The following ARID3C variants were observed in gnomAD, a reference collection of about 807,000 sequenced individuals.
ARID3C encodes the protein AT-rich interaction domain 3C.
ARID3C carries 42 observed loss-of-function variants against 37.9 expected under a neutral mutation model. The ratio of observed to expected loss-of-function variants is 1.11; its 90% CI spans 0.87 to 1.43. The LOEUF (loss-of-function observed/expected upper bound fraction) is 1.43, where lower values mean the gene tolerates loss of function less well. Ranked by LOEUF, ARID3C falls within the 40% of genes most tolerant of loss-of-function variation. The probability of loss-of-function intolerance (pLI) is 0.00; values close to 1 mark genes in which losing one functional copy is unlikely to be tolerated. For synonymous variants in ARID3C, 213 were observed against 228.0 expected, an observed-to-expected ratio of 0.93 and a Z score of 0.59; for missense variants, 581 against 548.8, an observed-to-expected ratio of 1.06 and a Z score of -0.59.
rs772659650 is a variant in ARID3C at position 34,628,073 on chromosome 9, G to T, written c.-59C>A. The T allele has an allele frequency of 3.8e-5, 55 of 1,440,716 alleles. No homozygotes were observed. Among genetic ancestry groups the T allele is most frequent in the Non-Finnish European group, 4.7e-5 (52 of 1,099,836 alleles). 89.2% of individuals were successfully genotyped at this position (1,440,716 alleles called of 1,614,324 possible). ...GGTCCCTGGTACCAGGCGGGACCCC[G>T]AGGAAAGGGCCGCCTGTGGGGGAGG... is the stretch of plus-strand genomic sequence containing the variant. On this transcript the variant is annotated 5_prime_UTR_variant, in exon 1 of 7. Coordinates refer to ENST00000378909, the Ensembl canonical transcript of ARID3C. The surrounding 1 kb of genome is among the most constrained non-coding windows in gnomAD (Gnocchi z 5.2).
chr9:34,624,375 C>T (rs1820626757), intron 2 of ARID3C, among the ~76,000 whole-genome samples: 1 of 152,244 alleles, frequency 6.6e-6, no homozygotes, highest in Non-Finnish European at 1.5e-5. Flanking sequence ...ATTCGAATTT[C>T]ACCAGTCTGG....
chr9:34,622,559 G>T, intron 4 of ARID3C, 30 bp from the exon 6 acceptor site: 1 of 1,553,858 alleles, frequency 6.4e-7, no homozygotes, highest in South Asian at 1.2e-5. Flanking sequence ...AGCTCCCCTG[G>T]CCAAACCAAC....
exon 4 of ARID3C, chr9:34,623,691 T>C: frequency 6.4e-7 from 1 of 1,568,350 alleles, no homozygotes; most frequent in East Asian, 2.3e-5. Flanking sequence ...CTCGCACTCG[T>C]ACGGGTACAG....
downstream of ARID3C, chr9:34,621,359 G>A (rs1047014354): frequency 1.5e-5 from 13 of 860,498 alleles, no homozygotes; most frequent in Non-Finnish European, 2.0e-5. Flanking sequence ...TCCCCTCCCA[G>A]GGCTGGGTCC....
chr9:34,627,852 C>A, exon 1 of ARID3C: 1 of 1,596,378 alleles, frequency 6.3e-7, no homozygotes, highest in Non-Finnish European at 8.5e-7. Flanking sequence ...TCTTCAGCAT[C>A]TTCCTCTTCC....
chr9:34,623,583 C>A, exon 4 of ARID3C: 1 of 1,608,594 alleles, frequency 6.2e-7, no homozygotes. Context: ...CCCTGCCAAG[C>A]CGAAGAGCGG....
chr9:34,627,571 G>T (rs74857127), intron 1 of ARID3C, 126 bp downstream of exon 2: 43,478 of 817,846 alleles, frequency 0.053, 1,331 homozygotes, highest in South Asian at 0.073. Context: ...AGGTCTCCGT[G>T]TCTCTGTGTC....
rs937144327 is a variant in ARID3C at position 34,623,806 on chromosome 9, C to G, written c.575+58G>C. On this transcript the variant is annotated intron_variant, in intron 3 of 6. Coordinates refer to ENST00000378909, the Ensembl canonical transcript of ARID3C. ...GACGCCCGCCCGGGGACCCTCCCCC[C>G]TCCCGCCCCAGGCCGAACCCGTGCC... The G allele has an allele frequency of 1.8e-5, 27 of 1,509,310 alleles. No homozygotes were observed. The Admixed American group carries it at 4.2e-4, about 24-fold the overall frequency. 93.5% of individuals were successfully genotyped at this position (1,509,310 alleles called of 1,614,324 possible).
chr9:34,625,893 A>G (rs1384787152), intron 1 of ARID3C, 79 bp from the exon 3 acceptor site: 1 of 1,501,420 alleles, frequency 6.7e-7, no homozygotes, highest in African/African-American at 1.4e-5. Flanking sequence ...TTGTACCCTG[A>G]ACAAGGGTCC....
At chr9:34,626,537 A>G (rs541468565) in intron 1 of ARID3C, among the ~76,000 whole-genome samples, 61 of 152,286 alleles carry the variant, frequency 4.0e-4, no homozygotes, top group African/African-American at 1.4e-3. Context: ...CCCGAATACT[A>G]GTCAAGAGAA....
chr9:34,629,163 A>G (rs73499092), upstream of ARID3C, among the ~76,000 whole-genome samples: 27,272 of 152,138 alleles, frequency 0.18, 2,487 homozygotes, highest in East Asian at 0.31. Context: ...CAGCTCCCCA[A>G]CAGGTGTCTC....
chr9:34,622,576 C>G, intron 4 of ARID3C, 47 bp from the exon 6 acceptor site: 1 of 1,525,168 alleles, frequency 6.6e-7, no homozygotes, highest in Non-Finnish European at 8.8e-7. Flanking sequence ...CAACCCATCT[C>G]TGCATTGGTT....
upstream of ARID3C, among the ~76,000 whole-genome samples, chr9:34,630,312 A>T (rs1458549456): frequency 6.6e-6 from 1 of 152,138 alleles, no homozygotes; most frequent in Non-Finnish European, 1.5e-5. Flanking sequence ...CAGGCCTCTC[A>T]GAATTTCTGC....
chr9:34,625,773 C>T (rs1338392428), exon 2 of ARID3C: 1 of 1,614,024 alleles, frequency 6.2e-7, no homozygotes. Context: ...ACAGGTCATC[C>T]AGAAATTCCT....
chr9:34,623,296 G>A, intron 4 of ARID3C, 129 bp downstream of exon 5: 2 of 1,165,118 alleles, frequency 1.7e-6, no homozygotes, highest in Non-Finnish European at 2.3e-6. Flanking sequence ...TCAGAAGCCC[G>A]TCAGACCTTA....
rs759129977 is a variant in ARID3C, at chr9:34,623,585, G to C, written c.705C>G (p.Phe235Leu). 4 of 1,608,682 alleles carry C rather than the reference G, an allele frequency of 2.5e-6. No individual in the cohort carries two copies. In the Admixed American group the frequency reaches 5.1e-5, roughly 20 times the overall value. The change falls in exon 4 of 7, where the codon TTC (phenylalanine) becomes TTG (leucine). Residue 235 changes from phenylalanine (F) to leucine (L), a missense_variant. Coordinates refer to ENST00000378909, the Ensembl canonical transcript of ARID3C. The stretch of plus-strand genomic sequence containing the variant: ...CCCGAGGGGGCGGCCCTGCCAAGCC[G>C]AAGAGCGGAGTAGCGGTGTAAGCCT...
At chr9:34,629,877 C>A (rs1483074651), upstream of ARID3C, among the ~76,000 whole-genome samples, 1 of 152,074 alleles carries the variant, frequency 6.6e-6, no homozygotes, top group Non-Finnish European at 1.5e-5. Flanking sequence ...CTCAGCCTCC[C>A]GAATAGCTGG....
At position 34,622,327 on chromosome 9, in the gene ARID3C, CACA is replaced by C. The variant is rs766854400; in HGVS notation, c.1048+17_1048+19del. On this transcript the variant is annotated intron_variant, in intron 5 of 6. Transcript: ENST00000378909. The stretch of plus-strand genomic sequence containing the variant: ...TCAGTGTACAGTCCCGAAGCCCCCT[CACA>C]ACAAGCCCCTCCTCACCCCTCAGGG... 3 of 1,590,428 alleles carry C rather than the reference CACA, an allele frequency of 1.9e-6. No homozygotes were observed. The South Asian group carries it at 3.4e-5, about 18-fold the overall frequency.
At chr9:34,631,537 G>A (rs1015503553), upstream of ARID3C, among the ~76,000 whole-genome samples, 7 of 152,058 alleles carry the variant, frequency 4.6e-5, 1 homozygote, top group Non-Finnish European at 1.0e-4. Flanking sequence ...GCCAGGCACT[G>A]TTGGACACAG....
Sources: gnomAD v4.1 joint callset for allele counts (sites outside exome capture counted in the v4.1 genomes callset) on GRCh38, gnomAD v4.1.1 for gene constraint, Gnocchi (gnomAD v3.1) non-coding constraint, MANE v1.5 for transcripts, NCBI Gene and HGNC (gene_info 2026-07-23, HGNC 2026-07-21) for gene names.